The following TMLHE variants were observed in gnomAD, a reference collection of about 807,000 sequenced individuals.
The protein encoded by TMLHE is trimethyllysine hydroxylase, epsilon, also known as trimethyllysine dioxygenase, mitochondrial.
In TMLHE, 18 loss-of-function variants were observed where a neutral mutation model predicts 25.7. The observed-to-expected ratio is 0.70, with a 90% CI of 0.48 to 1.04. The LOEUF is 1.04. Among genes scored for constraint, TMLHE ranks in the 50% least tolerant of loss-of-function variants. TMLHE has a pLI of 0.00. For missense variants in TMLHE, 236 were observed against 259.0 expected (o/e 0.91, Z 0.61); for synonymous variants, 105 against 97.0 (o/e 1.08, Z -0.49).
intron 2 of TMLHE, among the ~76,000 whole-genome samples, chrX:155,541,904 A>T (rs1197739387): frequency 3.7e-5 from 4 of 108,044 alleles, no homozygotes; most frequent in African/African-American, 1.3e-4. Context: ...TTTTTTTTTC[A>T]TGTAAATTTG....
chrX:155,528,140 T>G (rs1219715195), intron 2 of TMLHE, among the ~76,000 whole-genome samples: 2 of 110,459 alleles, frequency 1.8e-5, no homozygotes, highest in Non-Finnish European at 3.8e-5. Flanking sequence ...TTAAAATGTG[T>G]TTTAAAGGAT....
At chrX:155,525,553 C>T (rs1557336379) in intron 2 of TMLHE, among the ~76,000 whole-genome samples, 2 of 112,058 alleles carry the variant, frequency 1.8e-5, no homozygotes, top group Admixed American at 9.5e-5. Flanking sequence ...AATGTCGAAG[C>T]AACTTTGGAA....
At chrX:155,536,301 G>T (rs1557337619) in intron 2 of TMLHE, among the ~76,000 whole-genome samples, 1 of 111,204 alleles carries the variant, frequency 9.0e-6, no homozygotes. Context: ...TAAATCAATG[G>T]TAAATCAAGC....
rs150163698 is a variant in TMLHE, at chrX:155,511,021, T to C, written c.758+652A>G. ...GCCAGTAATGATGAGCATTTTCTCATGTGTTTTTTGGCTGCATAAATGTCT... is the reference window on the plus strand; with the variant it reads ...GCCAGTAATGATGAGCATTTTCTCACGTGTTTTTTGGCTGCATAAATGTCT... On this transcript the variant is annotated intron_variant, in intron 5 of 7. Coordinates refer to ENST00000334398, the MANE Select transcript of TMLHE (RefSeq NM_018196.4). Among the ~76,000 whole-genome samples the C allele has an allele frequency of 7.1e-5, 8 of 111,905 alleles. No individual in the cohort carries two copies. In the East Asian group the frequency reaches 2.2e-3, roughly 31 times the overall value.
chrX:155,548,535 GC>G (rs1254077024), intron 1 of TMLHE, among the ~76,000 whole-genome samples: 3 of 109,143 alleles, frequency 2.7e-5, no homozygotes, highest in Non-Finnish European at 1.9e-5. Context: ...GCAGTATGAG[GC>G]CAGCCTGACT....
chrX:155,580,004 C>T (rs2067615520), intron 1 of TMLHE, among the ~76,000 whole-genome samples: 2 of 109,603 alleles, frequency 1.8e-5, no homozygotes, highest in Non-Finnish European at 3.8e-5. Flanking sequence ...TCTTATACAG[C>T]AAAATAATTA....
rs55802050 is a variant in TMLHE, at chrX:155,511,426, C to CTT, written c.758+245_758+246dup. Among the ~76,000 whole-genome samples the CTT allele has an allele frequency of 7.5e-3, 765 of 101,347 alleles. 5 individuals are homozygous for CTT. Among genetic ancestry groups the CTT allele is most frequent in the African/African-American group, 0.024 (677 of 28,195 alleles). 88.0% of individuals were successfully genotyped at this position (101,347 alleles called of 115,157 possible). ...AGAACCATGAGACAATTAAATCTCTCTTTTTTTTTTTTATAAATTACCCAG... is the reference window on the plus strand; with the variant it reads ...AGAACCATGAGACAATTAAATCTCTCTTTTTTTTTTTTTTATAAATTACCCAG... On this transcript the variant is annotated intron_variant, in intron 5 of 7. Transcript: ENST00000334398.
At chrX:155,580,783 A>T (rs2067621740) in intron 1 of TMLHE, among the ~76,000 whole-genome samples, 1 of 111,622 alleles carries the variant, frequency 9.0e-6, no homozygotes. Flanking sequence ...AAACTATTCC[A>T]ATCAATAGAA....
At chrX:155,589,119 T>C (rs1342213419) in intron 1 of TMLHE, among the ~76,000 whole-genome samples, 1 of 111,701 alleles carries the variant, frequency 9.0e-6, no homozygotes. Flanking sequence ...AAAAATTTGG[T>C]ATATATACAT....
intron 1 of TMLHE, among the ~76,000 whole-genome samples, chrX:155,591,565 A>T (rs2067693874): frequency 8.9e-6 from 1 of 112,152 alleles, no homozygotes; most frequent in South Asian, 3.6e-4. Context: ...AAAACATATA[A>T]ATAATCCATG....
intron 1 of TMLHE, among the ~76,000 whole-genome samples, chrX:155,574,017 C>T (rs1317204610): frequency 9.4e-6 from 1 of 106,570 alleles, no homozygotes; most frequent in Non-Finnish European, 1.9e-5. Context: ...AATAATACAA[C>T]AGAGCACACA....
intron 1 of TMLHE, among the ~76,000 whole-genome samples, chrX:155,587,487 T>A (rs113923459): frequency 1.6e-4 from 18 of 111,475 alleles, no homozygotes; most frequent in African/African-American, 5.9e-4. Context: ...CCACTCCTGT[T>A]CAACATAATA....
intron 3 of TMLHE, among the ~76,000 whole-genome samples, chrX:155,523,079 C>T (rs972575560): frequency 8.1e-5 from 9 of 111,471 alleles, no homozygotes; most frequent in African/African-American, 2.9e-4. Flanking sequence ...CATTGTGATA[C>T]TAACTTTCAT....
chrX:155,512,532 T>C (rs193122405), intron 4 of TMLHE, among the ~76,000 whole-genome samples: 1,775 of 110,740 alleles, frequency 0.016, 25 homozygotes, highest in Middle Eastern at 0.033. Flanking sequence ...TATTCCATGG[T>C]GTATATGTGC....
intron 1 of TMLHE, among the ~76,000 whole-genome samples, chrX:155,554,631 G>A (rs897757159): frequency 2.8e-5 from 3 of 107,678 alleles, no homozygotes; most frequent in Admixed American, 1.0e-4. Context: ...ATTCTGCTTC[G>A]GGTTATGGTA....
rs370981833 is a variant in TMLHE at position 155,510,232 on chromosome X, T to TTTTTATTTTATTTTATTTTA, written c.758+1421_758+1440dup. ...CATTTATATAGTAAGATGAGTTTTC[T>TTTTTATTTTATTTTATTTTA]TTTTATTTTATTTTATTTTATTTTA... On this transcript the variant is annotated intron_variant, in intron 5 of 7. Coordinates refer to ENST00000334398, the MANE Select transcript of TMLHE (RefSeq NM_018196.4). Among the ~76,000 whole-genome samples the TTTTTATTTTATTTTATTTTA allele has an allele frequency of 1.2e-3, 117 of 99,215 alleles. 1 individual carries two copies. Among genetic ancestry groups the TTTTTATTTTATTTTATTTTA allele is most frequent in the East Asian group, 8.2e-3 (25 of 3,057 alleles). The allele number at this position is 99,215 out of a possible 115,157, so 86.2% of individuals were successfully genotyped here. A position where few individuals can be genotyped will look rare whatever the true frequency, so the allele number is the denominator to read the frequency against.
intron 3 of TMLHE, among the ~76,000 whole-genome samples, chrX:155,515,073 G>A (rs782791185): frequency 9.0e-6 from 1 of 110,819 alleles, no homozygotes; most frequent in Non-Finnish European, 1.9e-5. Flanking sequence ...AATTTGGAAA[G>A]CATAAAAAAG....
chrX:155,575,146 C>A (rs2067582129), intron 1 of TMLHE, among the ~76,000 whole-genome samples: 1 of 111,906 alleles, frequency 8.9e-6, no homozygotes, highest in African/African-American at 3.2e-5. Context: ...TGTTCCAGAC[C>A]ACTTTCCTTG....
intron 2 of TMLHE, among the ~76,000 whole-genome samples, chrX:155,533,342 TACAC>T (rs2067259674): frequency 9.6e-6 from 1 of 104,078 alleles, no homozygotes; most frequent in Non-Finnish European, 2.0e-5. Context: ...CTGATTCCTT[TACAC>T]ACACACATAC....
Sources: allele counts gnomAD v4.1 joint callset (sites outside exome capture counted in the v4.1 genomes callset), GRCh38; gene constraint gnomAD v4.1.1; transcripts MANE v1.5; gene names NCBI Gene and HGNC (gene_info 2026-07-23, HGNC 2026-07-21).